The following SUMF2 variants were observed in gnomAD, a reference collection of about 807,000 sequenced individuals.
The protein encoded by SUMF2 is sulfatase modifying factor 2.
A neutral mutation model predicts 44.8 loss-of-function variants in SUMF2; 45 were observed. The ratio of observed to expected loss-of-function variants is 1.00; its 90% confidence interval spans 0.79 to 1.29. The LOEUF is 1.29. Among genes scored for constraint, SUMF2 ranks in the 50% most tolerant of loss-of-function variants. The pLI is 0.00. For synonymous variants in SUMF2, 148 were observed against 150.4 expected (o/e 0.98, Z 0.12); for missense variants, 418 against 389.9 (o/e 1.07, Z -0.61).
chr7:56,084,370 ATTT>A (rs534790677), downstream of SUMF2: 6,187 of 403,128 alleles, frequency 0.015, no homozygotes, highest in South Asian at 0.025. Context: ...GAGTATCCCG[ATTT>A]TTTTTTTTTT....
downstream of SUMF2, among the ~76,000 whole-genome samples, chr7:56,085,654 G>C (rs770852556): frequency 2.6e-5 from 4 of 152,106 alleles, no homozygotes; most frequent in Non-Finnish European, 4.4e-5. Context: ...TCCCTAGATA[G>C]TCAGTGAGAT....
At chr7:56,081,268 C>A (rs199541903), downstream of SUMF2, 115 of 1,612,092 alleles carry the variant, frequency 7.1e-5, 1 homozygote, top group South Asian at 6.9e-4. This position sits in a 1 kb window ranked among gnomAD's most constrained non-coding sequence, Gnocchi z 4.6. Context: ...GTAGTAGATC[C>A]GCACTGAAGC....
intron 1 of SUMF2, among the ~76,000 whole-genome samples, 161 bp downstream of exon 1, chr7:56,064,539 T>C (rs1241499336): frequency 1.3e-5 from 2 of 152,110 alleles, no homozygotes; most frequent in Non-Finnish European, 2.9e-5. Context: ...CACCGCCTTA[T>C]ACTTTTCAAC....
chr7:56,081,105 G>C, downstream of SUMF2: 4 of 1,613,488 alleles, frequency 2.5e-6, no homozygotes, highest in Non-Finnish European at 3.4e-6. The surrounding 1 kb of genome is among the most constrained non-coding windows in gnomAD (Gnocchi z 4.6). Flanking sequence ...GTGTGTTCTC[G>C]AAAAGGGCTG....
At chr7:56,085,189 G>A (rs941023257), downstream of SUMF2, among the ~76,000 whole-genome samples, 7 of 152,004 alleles carry the variant, frequency 4.6e-5, no homozygotes, top group South Asian at 6.2e-4. Flanking sequence ...TCGAACTCCC[G>A]GCTTCATCTG....
rs56927689 is a variant in SUMF2 at position 56,074,014 on chromosome 7, CAAAAAAAAAAAAAAAAAAA to C, written c.340-148_340-130del. The C allele has an allele frequency of 5.5e-3, 1,778 of 320,918 alleles. 12 individuals carry two copies. The highest frequency in any genetic ancestry group is 9.1e-3 in the Middle Eastern group (10 of 1,094). The allele number at this position is 320,918 out of a possible 1,614,324, so 19.9% of individuals were successfully genotyped here. A position where few individuals can be genotyped will look rare whatever the true frequency, so the allele number is the denominator to read the frequency against. On this transcript the variant is annotated intron_variant, in intron 3 of 8. Transcript: ENST00000434526. ...TGAGTGACAGAGCAAGATCTTGTCT[CAAAAAAAAAAAAAAAAAAA>C]AAAAAAAAAAATCAGCCACAACCTC...
chr7:56,076,122 G>A (rs941565002), intron 5 of SUMF2, among the ~76,000 whole-genome samples: 1 of 151,736 alleles, frequency 6.6e-6, no homozygotes, highest in African/African-American at 2.4e-5. Flanking sequence ...CGCCTCCCGG[G>A]TTCACGCCAT....
At chr7:56,081,659 G>A (rs767151786), downstream of SUMF2, 66 of 1,613,592 alleles carry the variant, frequency 4.1e-5, no homozygotes, top group Non-Finnish European at 5.3e-5. This position sits in a 1 kb window ranked among gnomAD's most constrained non-coding sequence, Gnocchi z 4.6. Flanking sequence ...CTGAAGTGCC[G>A]CACTTCCTCC....
chr7:56,073,309 T>G, intron 3 of SUMF2, 198 bp downstream of exon 3: 195 of 636,698 alleles, frequency 3.1e-4, no homozygotes, highest in East Asian at 5.8e-4. Context: ...AAGTTAGCTC[T>G]TGCCTAAATG....
At chr7:56,086,893 G>A in the SUMF2 span, 6 of 1,114,084 alleles carry the variant, frequency 5.4e-6, no homozygotes, top group Non-Finnish European at 8.3e-6. Flanking sequence ...GTGGTCTCCA[G>A]GCAGCCCTGG....
intron 1 of SUMF2, among the ~76,000 whole-genome samples, chr7:56,066,178 G>GTGT: frequency 6.7e-6 from 1 of 150,336 alleles, no homozygotes; most frequent in East Asian, 1.9e-4. Context: ...GTCAGAATAA[G>GTGT]AGATCCAAAG....
Position 56,074,597 on chromosome 7 carries a change from T to A in SUMF2, c.396T>A (p.Pro132=). The A allele has an allele frequency of 1.2e-6, 2 of 1,614,038 alleles. No homozygotes were observed. The highest frequency in any genetic ancestry group is 1.6e-4 in the Middle Eastern group (1 of 6,062). The change falls in exon 5 of 9, where the codon CCT becomes CCA. Residue 132 remains proline (P), a synonymous_variant. Transcript: ENST00000434526. ...EKAFWRQPAG[P]GSGIRERLEH... Reference sequence around the variant, plus strand: ...ATCCTGGCTGTCAGCCTGCAGGTCCTGGCTCTGGCATCCGAGAGAGACTGG... The same window carrying A: ...ATCCTGGCTGTCAGCCTGCAGGTCCAGGCTCTGGCATCCGAGAGAGACTGG...
At chr7:56,081,160 C>G (rs182098876), downstream of SUMF2, 1 of 1,613,862 alleles carries the variant, frequency 6.2e-7, no homozygotes, top group Non-Finnish European at 8.5e-7. This position sits in a 1 kb window ranked among gnomAD's most constrained non-coding sequence, Gnocchi z 4.6. Context: ...GCCATAGATT[C>G]GGAAAGCGTA....
At chr7:56,073,148 G>A in intron 3 of SUMF2, 37 bp downstream of exon 3, 1 of 1,522,226 alleles carries the variant, frequency 6.6e-7, no homozygotes, top group East Asian at 2.3e-5. Flanking sequence ...GGGGATAGGA[G>A]TGGGACCTGG....
chr7:56,079,292 T>G, intron 8 of SUMF2: 1 of 564,450 alleles, frequency 1.8e-6, no homozygotes, highest in Non-Finnish European at 3.2e-6. Flanking sequence ...CCACTGTCCC[T>G]CCCCCTACTC....
At chr7:56,086,943 T>G in the SUMF2 span, 1 of 1,593,852 alleles carries the variant, frequency 6.3e-7, no homozygotes, top group Non-Finnish European at 8.6e-7. Flanking sequence ...CTCTCAGGTG[T>G]GGCTTGCTCC....
downstream of SUMF2, chr7:56,083,849 T>G: frequency 1.5e-6 from 1 of 683,168 alleles, no homozygotes; most frequent in Non-Finnish European, 2.6e-6. Context: ...AACCACAGTC[T>G]GGGGAGAGGA....
intron 1 of SUMF2, among the ~76,000 whole-genome samples, chr7:56,067,909 A>G (rs1396592687): frequency 1.2e-4 from 18 of 151,834 alleles, no homozygotes. Context: ...AAAAAAAAAA[A>G]AAGACAAGAA....
At chr7:56,075,168 T>C (rs1795453653) in intron 5 of SUMF2, among the ~76,000 whole-genome samples, 1 of 147,628 alleles carries the variant, frequency 6.8e-6, no homozygotes, top group Admixed American at 6.9e-5. Context: ...AAGCTATCTG[T>C]GGTGGAGGAC....
Sources: allele counts gnomAD v4.1 joint callset (sites outside exome capture counted in the v4.1 genomes callset), GRCh38; gene constraint gnomAD v4.1.1; non-coding constraint Gnocchi (gnomAD v3.1); transcripts MANE v1.5; gene names NCBI Gene and HGNC (gene_info 2026-07-23, HGNC 2026-07-21).